Variants in NTRK2 observed in about 807,000 individuals in gnomAD.
The protein encoded by NTRK2 is BDNF/NT-3 growth factors receptor.
Under a neutral mutation model 94.5 loss-of-function variants are expected in NTRK2, and 13 were observed. That is an observed-to-expected ratio of 0.14 (90% CI 0.09 to 0.22). The LOEUF (loss-of-function observed/expected upper bound fraction) is 0.22, where lower values mean the gene tolerates loss of function less well. NTRK2 is among the 10% of genes least tolerant of loss of function. NTRK2 has a pLI of 1.00. For missense variants in NTRK2, 639 were observed against 1,071.2 expected (o/e 0.60, Z 5.63); for synonymous variants, 372 against 407.4 (o/e 0.91, Z 1.05).
At chr9:84,924,231 GAAA>G (rs1564468634) in intron 14 of NTRK2, among the ~76,000 whole-genome samples, 36 of 32,024 alleles carry the variant, frequency 1.1e-3, no homozygotes, top group African/African-American at 4.0e-3. Context: ...AAAGAAAGTA[GAAA>G]GAAAGAAAGA....
At chr9:84,882,242 C>T (rs1162662545) in intron 14 of NTRK2, among the ~76,000 whole-genome samples, 3 of 152,086 alleles carry the variant, frequency 2.0e-5, no homozygotes, top group Admixed American at 6.6e-5. Context: ...AGGCAGTTTA[C>T]GTTGGAAATG....
chr9:84,970,559 T>TA (rs1387555998), intron 17 of NTRK2, among the ~76,000 whole-genome samples: 2 of 151,986 alleles, frequency 1.3e-5, no homozygotes, highest in Admixed American at 6.6e-5. Context: ...ATCTCAGAAA[T>TA]AAAGAGCATC....
intron 16 of NTRK2, among the ~76,000 whole-genome samples, chr9:84,953,224 G>C (rs1193832408): frequency 6.6e-6 from 1 of 152,224 alleles, no homozygotes; most frequent in Non-Finnish European, 1.5e-5. Flanking sequence ...TTACAGGCCA[G>C]TTACAAAAAG....
chr9:84,707,874 G>A lies in NTRK2; in HGVS notation c.390G>A (p.Leu130=). Residue 130 remains leucine, a synonymous_variant, in exon 5 of 19, where the codon TTG becomes TTA. Coordinates refer to ENST00000277120, the MANE Select transcript of NTRK2 (RefSeq NM_006180.6). Reference sequence around the variant, plus strand: ...TTACCCGAAACAAACTGACGAGTTTGTCTAGGAAACATTTCCGTCACCTTG... The same window carrying A: ...TTACCCGAAACAAACTGACGAGTTTATCTAGGAAACATTTCCGTCACCTTG... ...INFTRNKLTS[L]SRKHFRHLDL... is the part of the protein sequence containing the mutation. The A allele has an allele frequency of 6.2e-7, 1 of 1,613,170 alleles. No individual in the cohort carries two copies. The highest frequency in any genetic ancestry group is 8.5e-7 in the Non-Finnish European group (1 of 1,179,452).
At chr9:84,911,711 T>G (rs1431801538) in intron 14 of NTRK2, among the ~76,000 whole-genome samples, 1 of 152,144 alleles carries the variant, frequency 6.6e-6, no homozygotes, top group East Asian at 1.9e-4. Context: ...AACCAATTTC[T>G]TGGTTTAGTG....
intron 12 of NTRK2, among the ~76,000 whole-genome samples, chr9:84,809,631 C>T (rs1588749644): frequency 6.6e-6 from 1 of 151,314 alleles, no homozygotes; most frequent in East Asian, 1.9e-4. Context: ...CCTGTAATCC[C>T]AGCACTTTGG....
chr9:84,743,591 G>T (rs1003781927), intron 10 of NTRK2, among the ~76,000 whole-genome samples: 4 of 152,166 alleles, frequency 2.6e-5, no homozygotes, highest in African/African-American at 9.7e-5. Flanking sequence ...GTTTCACAGA[G>T]AAATACGTTT....
chr9:84,765,535 T>C (rs1387374616), intron 12 of NTRK2, among the ~76,000 whole-genome samples: 1 of 152,158 alleles, frequency 6.6e-6, no homozygotes, highest in Non-Finnish European at 1.5e-5. Context: ...TGCCTGAGGG[T>C]TACCTGGTTT....
At chr9:84,813,675 C>T (rs1363126344) in intron 12 of NTRK2, 5 of 1,066,186 alleles carry the variant, frequency 4.7e-6, no homozygotes, top group Non-Finnish European at 5.7e-6. Flanking sequence ...TGTCTCCCCT[C>T]AACCCATTCC....
chr9:84,773,764 C>CT (rs200031604), intron 12 of NTRK2, among the ~76,000 whole-genome samples: 2 of 152,030 alleles, frequency 1.3e-5, no homozygotes, highest in Admixed American at 6.6e-5. Context: ...ATAAAAGCAT[C>CT]TTTTTTTTCC....
At chr9:84,684,601 C>T (rs76966958) in intron 2 of NTRK2, among the ~76,000 whole-genome samples, 2,285 of 152,246 alleles carry the variant, frequency 0.015, 60 homozygotes, top group African/African-American at 0.052. Context: ...TTTTGTTCTC[C>T]CACAGAAACT....
chr9:84,770,925 C>A lies in NTRK2; in HGVS notation c.1396+18840C>A, dbSNP rs540631877. On this transcript the variant is annotated intron_variant, in intron 12 of 18. Coordinates refer to ENST00000277120, the MANE Select transcript of NTRK2 (RefSeq NM_006180.6). The stretch of plus-strand genomic sequence containing the variant: ...CCTCCCTGCTAACTCTCCTTTCCCC[C>A]CTGGGTATTAAAACTTCTATTTCTA... Among the ~76,000 whole-genome samples, 8 of 152,276 alleles carry A rather than the reference C, an allele frequency of 5.3e-5. No individual in the cohort carries two copies. The East Asian group carries it at 9.6e-4, about 18-fold the overall frequency.
chr9:84,717,545 G>A (rs576311890), intron 6 of NTRK2, among the ~76,000 whole-genome samples: 1 of 152,326 alleles, frequency 6.6e-6, no homozygotes, highest in African/African-American at 2.4e-5. Flanking sequence ...ATGTGGGCCA[G>A]GGCCAACCCC....
intron 12 of NTRK2, among the ~76,000 whole-genome samples, chr9:84,801,592 G>A (rs10081680): frequency 0.1 from 15,247 of 152,236 alleles, 2,260 homozygotes; most frequent in African/African-American, 0.32. Flanking sequence ...ACAAGGTTTT[G>A]TGTTGCCGGG....
intron 15 of NTRK2, among the ~76,000 whole-genome samples, chr9:84,941,781 C>T (rs1053800845): frequency 2.0e-5 from 3 of 152,154 alleles, no homozygotes; most frequent in African/African-American, 4.8e-5. Flanking sequence ...ACAGTTGCTA[C>T]GAATTAGTTT....
chr9:84,825,144 C>A (rs2073104150), intron 12 of NTRK2, among the ~76,000 whole-genome samples: 1 of 152,082 alleles, frequency 6.6e-6, no homozygotes, highest in African/African-American at 2.4e-5. Flanking sequence ...GTTCCAAAAT[C>A]AAGCCAAGTC....
intron 12 of NTRK2, among the ~76,000 whole-genome samples, chr9:84,804,259 G>A (rs942640570): frequency 3.3e-5 from 5 of 151,804 alleles, no homozygotes; most frequent in African/African-American, 7.3e-5. Flanking sequence ...GGTCTGAGGC[G>A]CATCAATACC....
chr9:84,875,579 C>T (rs1354257018), intron 14 of NTRK2: 2 of 1,062,390 alleles, frequency 1.9e-6, no homozygotes, highest in East Asian at 5.0e-5. Flanking sequence ...TATGCTGGAT[C>T]TTAAAGGGCC....
chr9:85,004,483 G>T (rs986886923), intron 17 of NTRK2, among the ~76,000 whole-genome samples: 1 of 152,140 alleles, frequency 6.6e-6, no homozygotes, highest in African/African-American at 2.4e-5. Context: ...TTCAAGAAAT[G>T]GATTAAAGTA....
Sources: gnomAD v4.1 joint callset for allele counts (sites outside exome capture counted in the v4.1 genomes callset) on GRCh38, gnomAD v4.1.1 for gene constraint, MANE v1.5 for transcripts, NCBI Gene and HGNC (gene_info 2026-07-23, HGNC 2026-07-21) for gene names.